Variants in CLEC12A observed in about 807,000 individuals in gnomAD.
CLEC12A encodes the protein C-type lectin domain family 12 member A, also known as C-type lectin protein CLL-1.
Under a neutral mutation model 26.5 loss-of-function variants are expected in CLEC12A, and 22 were observed. That is an observed-to-expected ratio of 0.83 (90% CI 0.59 to 1.19). The LOEUF is 1.19. CLEC12A is among the 50% of genes most tolerant of loss of function. The pLI is 0.00. For synonymous variants in CLEC12A, 119 were observed against 101.9 expected, an observed-to-expected ratio of 1.17 and a Z score of -1.01; for missense variants, 353 against 315.6, an observed-to-expected ratio of 1.12 and a Z score of -0.90.
downstream of CLEC12A, among the ~76,000 whole-genome samples, chr12:9,986,611 G>T (rs1210260728): frequency 6.6e-6 from 1 of 152,160 alleles, no homozygotes; most frequent in African/African-American, 2.4e-5. Context: ...AGGAGTTCAA[G>T]ACCAGACTGG....
chr12:9,992,002 T>G (rs1864905084), intron 4 of CLEC12A: 1 of 152,254 alleles, frequency 6.6e-6, no homozygotes, highest in African/African-American at 2.4e-5. Flanking sequence ...TTGAGTTTCC[T>G]ATTTGGTTTC....
chr12:9,958,805 T>C (rs1415458353), intron 1 of CLEC12A, among the ~76,000 whole-genome samples: 1 of 152,168 alleles, frequency 6.6e-6, no homozygotes, highest in African/African-American at 2.4e-5. Context: ...CTCCATGATT[T>C]AGCAGGAGAC....
intron 1 of CLEC12A, among the ~76,000 whole-genome samples, chr12:9,956,366 G>A: frequency 6.6e-6 from 1 of 152,122 alleles, no homozygotes. Context: ...CAATTTGCTG[G>A]AATTCTTATT....
chr12:9,970,116 A>AG (rs1255323708), upstream of CLEC12A, among the ~76,000 whole-genome samples: 1 of 152,198 alleles, frequency 6.6e-6, no homozygotes, highest in African/African-American at 2.4e-5. Flanking sequence ...GGAGAAAATC[A>AG]GTTGTTTTAA....
At chr12:9,984,531 T>C (rs1432719059) in intron 5 of CLEC12A, among the ~76,000 whole-genome samples, 1 of 152,148 alleles carries the variant, frequency 6.6e-6, no homozygotes, top group Non-Finnish European at 1.5e-5. Context: ...TTACTACTCC[T>C]AGCCAGTTAG....
At chr12:10,005,574 A>C in the CLEC12A span, among the ~76,000 whole-genome samples, 1 of 152,226 alleles carries the variant, frequency 6.6e-6, no homozygotes, top group African/African-American at 2.4e-5. Flanking sequence ...AAAATAAAGC[A>C]CAGAGGTTCA....
intron 1 of CLEC12A, among the ~76,000 whole-genome samples, chr12:9,960,937 T>C (rs1863818219): frequency 6.6e-6 from 1 of 152,168 alleles, no homozygotes; most frequent in Admixed American, 6.5e-5. Context: ...CTGTAAAATA[T>C]TTGAAGAGAT....
intron 4 of CLEC12A, 29 bp downstream of exon 4, chr12:9,980,762 G>A (rs1864525823): frequency 1.9e-6 from 3 of 1,608,498 alleles, no homozygotes; most frequent in Non-Finnish European, 2.5e-6. Flanking sequence ...TACCATCATG[G>A]GATAGAGAGG....
At chr12:9,982,852 A>G (rs1043252580) in intron 5 of CLEC12A, among the ~76,000 whole-genome samples, 1 of 152,068 alleles carries the variant, frequency 6.6e-6, no homozygotes, top group Non-Finnish European at 1.5e-5. Context: ...GCATGTGTAC[A>G]TATTATTTAG....
intron 1 of CLEC12A, among the ~76,000 whole-genome samples, chr12:9,954,205 TAAAAAAAAAAAAAAA>T (rs35173002): frequency 1.6e-5 from 1 of 64,416 alleles, no homozygotes; most frequent in African/African-American, 5.6e-5. Flanking sequence ...GAATTATCAA[TAAAAAAAAAAAAAAA>T]AAAAAAAAAA....
downstream of CLEC12A, chr12:9,998,521 T>G (rs149325605): frequency 7.4e-6 from 4 of 541,936 alleles, no homozygotes; most frequent in East Asian, 9.2e-5. Flanking sequence ...ACCTGTGTTC[T>G]CCTCATGATC....
At chr12:9,957,905 A>T (rs1863769139) in intron 1 of CLEC12A, among the ~76,000 whole-genome samples, 1 of 152,160 alleles carries the variant, frequency 6.6e-6, no homozygotes, top group South Asian at 2.1e-4. Flanking sequence ...CACATCTGTA[A>T]TAGCTAAAAT....
rs771814161 is a variant in CLEC12A at position 9,980,569 on chromosome 12, GTTC to G, written c.380-6_380-4del. Reference sequence around the variant, plus strand: ...ATCAACAAAACCCAAATAAAACTATGTTCTTCTTCCAGAGCACAAATGTAAGCC... The same window carrying G: ...ATCAACAAAACCCAAATAAAACTATGTTCTTCCAGAGCACAAATGTAAGCC... On this transcript the variant is annotated splice_polypyrimidine_tract_variant and intron_variant, in intron 3 of 5. Transcript: ENST00000304361. 20 of 1,608,562 alleles carry G rather than the reference GTTC, an allele frequency of 1.2e-5. No homozygotes were observed. The highest frequency in any genetic ancestry group is 3.3e-4 in the Middle Eastern group (2 of 6,026).
Position 9,994,966 on chromosome 12 carries a change from G to GGA in CLEC12A, n.1005-46_1005-45dup, listed in dbSNP as rs924210761. The GGA allele has an allele frequency of 5.2e-5, 77 of 1,489,052 alleles. No homozygotes were observed. In the Admixed American group the frequency reaches 7.6e-4, roughly 15 times the overall value. The allele number at this position is 1,489,052 out of a possible 1,614,324, so 92.2% of individuals were successfully genotyped here. On this transcript the variant is annotated intron_variant and non_coding_transcript_variant, in intron 4 of 4. Coordinates refer to the CLEC12A transcript ENST00000449959. ...GGCTTAGATAAAGAGCAAAGTAATG[G>GGA]GAGAGAGGGGAAAGAATTGTCTTAT...
chr12:9,967,684 C>T (rs1863995348), upstream of CLEC12A, among the ~76,000 whole-genome samples: 1 of 149,886 alleles, frequency 6.7e-6, no homozygotes, highest in African/African-American at 2.5e-5. Context: ...TTGGGGGGTT[C>T]TTGCCCCCCA....
At chr12:10,002,062 T>C in the CLEC12A span, among the ~76,000 whole-genome samples, 1 of 151,886 alleles carries the variant, frequency 6.6e-6, no homozygotes, top group Non-Finnish European at 1.5e-5. Flanking sequence ...TTTGTATTTT[T>C]AGTAGAGACG....
chr12:9,954,175 C>A (rs1863701010), intron 1 of CLEC12A, among the ~76,000 whole-genome samples: 1 of 147,582 alleles, frequency 6.8e-6, no homozygotes, highest in Non-Finnish European at 1.5e-5. Context: ...TGCCAAATCC[C>A]CTCTGTGAGA....
chr12:9,954,437 G>T (rs1863708659), intron 1 of CLEC12A, among the ~76,000 whole-genome samples: 1 of 151,994 alleles, frequency 6.6e-6, no homozygotes, highest in African/African-American at 2.4e-5. Flanking sequence ...TGAGGCTGCA[G>T]TGAGCCTTGA....
chr12:9,956,595 A>G (rs112388858), intron 1 of CLEC12A, among the ~76,000 whole-genome samples: 3 of 152,214 alleles, frequency 2.0e-5, no homozygotes, highest in African/African-American at 7.2e-5. Context: ...TTAAAAATCA[A>G]ATCTGAGATT....
Sources: gnomAD v4.1 joint callset for allele counts (sites outside exome capture counted in the v4.1 genomes callset) on GRCh38, gnomAD v4.1.1 for gene constraint, MANE v1.5 for transcripts, NCBI Gene and HGNC (gene_info 2026-07-23, HGNC 2026-07-21) for gene names.